The following SLC13A3 variants were observed in gnomAD, a reference collection of about 807,000 sequenced individuals.
The protein encoded by SLC13A3 is solute carrier family 13 member 3, also known as Na(+)/dicarboxylate cotransporter 3.
A neutral mutation model predicts 59.0 loss-of-function variants in SLC13A3; 40 were observed. The observed-to-expected ratio is 0.68, with a 90% CI of 0.53 to 0.88. The LOEUF (loss-of-function observed/expected upper bound fraction) is 0.88. Ranked by LOEUF, SLC13A3 falls within the 40% of genes least tolerant of loss-of-function variation. The probability of loss-of-function intolerance (pLI) is 0.00; values close to 1 mark genes in which losing one functional copy is unlikely to be tolerated. For missense variants in SLC13A3, 699 were observed against 783.2 expected (o/e 0.89, Z 1.28); for synonymous variants, 317 against 330.3 (o/e 0.96, Z 0.44).
chr20:46,676,983 G>A (rs1443921371), intron 1 of SLC13A3, among the ~76,000 whole-genome samples: 6 of 152,068 alleles, frequency 3.9e-5, no homozygotes, highest in Admixed American at 2.0e-4. Context: ...TGGCGATCTC[G>A]GCTCACTGCA....
chr20:46,638,533 A>T (rs142887394), intron 1 of SLC13A3, among the ~76,000 whole-genome samples: 20 of 152,348 alleles, frequency 1.3e-4, no homozygotes, highest in African/African-American at 4.3e-4. Flanking sequence ...CGTCCAGTGA[A>T]GCCTGGAGCT....
At chr20:46,599,932 C>G (rs2062355261) in intron 4 of SLC13A3, 39 bp downstream of exon 4, 2 of 1,444,840 alleles carry the variant, frequency 1.4e-6, no homozygotes, top group African/African-American at 1.4e-5. Context: ...CTCCTTGAAT[C>G]AAGCACTGGG....
chr20:46,655,784 C>CATATATATA (rs2062981528), upstream of SLC13A3, among the ~76,000 whole-genome samples: 1 of 140,406 alleles, frequency 7.1e-6, no homozygotes, highest in Non-Finnish European at 1.5e-5. Flanking sequence ...TATATATATG[C>CATATATATA]CTTCAGTATA....
intron 3 of SLC13A3, among the ~76,000 whole-genome samples, chr20:46,606,930 G>A (rs1247812721): frequency 6.6e-6 from 1 of 152,224 alleles, no homozygotes; most frequent in Non-Finnish European, 1.5e-5. Flanking sequence ...ACAGAACTGA[G>A]CAAAGGAACT....
At chr20:46,579,260 T>G (rs1050007116) in intron 9 of SLC13A3, among the ~76,000 whole-genome samples, 2 of 152,092 alleles carry the variant, frequency 1.3e-5, no homozygotes, top group Non-Finnish European at 2.9e-5. Flanking sequence ...CCCGAGTAGC[T>G]GGAACTACAG....
chr20:46,587,748 C>A (rs1212718163), intron 8 of SLC13A3, among the ~76,000 whole-genome samples: 1 of 152,214 alleles, frequency 6.6e-6, no homozygotes, highest in Non-Finnish European at 1.5e-5. Flanking sequence ...ATAATAGGTT[C>A]TCAATCAATG....
intron 1 of SLC13A3, among the ~76,000 whole-genome samples, chr20:46,646,986 G>A (rs1211626093): frequency 1.3e-5 from 2 of 152,162 alleles, no homozygotes; most frequent in African/African-American, 4.8e-5. Context: ...AAGAAAGGGG[G>A]CCTCTGACCT....
intron 1 of SLC13A3, 107 bp from the exon 2 acceptor site, chr20:46,613,832 A>T: frequency 1.0e-6 from 1 of 962,406 alleles, no homozygotes; most frequent in Non-Finnish European, 1.5e-6. Context: ...CTGGGGGCAG[A>T]GGGGGAAGGA....
chr20:46,601,633 CA>C, intron 3 of SLC13A3, among the ~76,000 whole-genome samples: 1 of 152,276 alleles, frequency 6.6e-6, no homozygotes, highest in Non-Finnish European at 1.5e-5. Flanking sequence ...TGCAAAAGAA[CA>C]AGGCAGGGAA....
intron 1 of SLC13A3, among the ~76,000 whole-genome samples, chr20:46,676,454 C>G (rs1018172756): frequency 6.8e-6 from 1 of 146,794 alleles, no homozygotes; most frequent in East Asian, 2.0e-4. Flanking sequence ...AAGGTTTCAC[C>G]GTGTTGCCCA....
At chr20:46,673,176 G>A (rs920451181), upstream of SLC13A3, among the ~76,000 whole-genome samples, 8 of 152,184 alleles carry the variant, frequency 5.3e-5, no homozygotes, top group Non-Finnish European at 1.2e-4. Flanking sequence ...GAAAAGCCAG[G>A]TGCTGTTCTA....
intron 1 of SLC13A3, among the ~76,000 whole-genome samples, chr20:46,624,153 T>A (rs1169873701): frequency 6.6e-6 from 1 of 152,206 alleles, no homozygotes; most frequent in Non-Finnish European, 1.5e-5. Flanking sequence ...ATCCTGTTCC[T>A]TGCCAATTCC....
At chr20:46,593,888 G>A (rs898843956) in intron 5 of SLC13A3, among the ~76,000 whole-genome samples, 15 of 152,190 alleles carry the variant, frequency 9.9e-5, no homozygotes, top group African/African-American at 3.6e-4. Flanking sequence ...TTAAAATATC[G>A]ACAGTGGGAT....
intron 1 of SLC13A3, among the ~76,000 whole-genome samples, chr20:46,649,841 C>T (rs62214393): frequency 0.029 from 4,361 of 152,266 alleles, 72 homozygotes; most frequent in Non-Finnish European, 0.045. Flanking sequence ...GATAATTCCA[C>T]ACTAATGAAC....
chr20:46,641,043 G>A (rs1017898274), intron 1 of SLC13A3, among the ~76,000 whole-genome samples: 5 of 152,132 alleles, frequency 3.3e-5, no homozygotes, highest in African/African-American at 7.2e-5. Context: ...GGGTCAAACC[G>A]GGTAGGGAGA....
chr20:46,585,072 G>A, intron 8 of SLC13A3: 2 of 847,630 alleles, frequency 2.4e-6, no homozygotes, highest in East Asian at 1.2e-4. Flanking sequence ...AAATCAAAGT[G>A]CTCCCATTCT....
At chr20:46,610,071 T>G (rs1013997846) in intron 3 of SLC13A3, among the ~76,000 whole-genome samples, 1 of 152,246 alleles carries the variant, frequency 6.6e-6, no homozygotes, top group Non-Finnish European at 1.5e-5. Flanking sequence ...TCTCATTGAT[T>G]AAAATGTTAT....
At chr20:46,577,564 TC>T (rs1467537315) in intron 9 of SLC13A3, among the ~76,000 whole-genome samples, 1 of 152,170 alleles carries the variant, frequency 6.6e-6, no homozygotes, top group Admixed American at 6.6e-5. Context: ...TTGAGCAGGG[TC>T]CCATGTAATG....
chr20:46,620,270 G>A (rs1450892203), intron 1 of SLC13A3, among the ~76,000 whole-genome samples: 1 of 152,160 alleles, frequency 6.6e-6, no homozygotes, highest in African/African-American at 2.4e-5. Flanking sequence ...TGAGAAAATT[G>A]AGGCACAGAG....
Sources: gnomAD v4.1 joint callset for allele counts (sites outside exome capture counted in the v4.1 genomes callset) on GRCh38, gnomAD v4.1.1 for gene constraint, MANE v1.5 for transcripts, NCBI Gene and HGNC (gene_info 2026-07-23, HGNC 2026-07-21) for gene names.